BLK: variants seen among roughly 807,000 people sequenced by gnomAD.
BLK encodes BLK proto-oncogene, Src family tyrosine kinase.
Under a neutral mutation model 61.8 loss-of-function variants are expected in BLK, and 64 were observed. The ratio of observed to expected loss-of-function variants is 1.03; its 90% CI spans 0.85 to 1.27. BLK has a LOEUF of 1.27. Among genes scored for constraint, BLK ranks in the 50% most tolerant of loss-of-function variants. The pLI is 0.00. For synonymous variants in BLK, 351 were observed against 272.0 expected (o/e 1.29, Z -2.86); for missense variants, 853 against 660.5 (o/e 1.29, Z -3.19).
At chr8:11,500,734 A>G (rs1019148082) in intron 1 of BLK, among the ~76,000 whole-genome samples, 7 of 151,300 alleles carry the variant, frequency 4.6e-5, no homozygotes, top group African/African-American at 1.7e-4. Context: ...GCTGGTCTCA[A>G]CCTCCTGAGC....
intron 2 of BLK, among the ~76,000 whole-genome samples, chr8:11,544,890 C>A (rs1402224153): frequency 1.3e-5 from 2 of 152,172 alleles, no homozygotes; most frequent in Non-Finnish European, 2.9e-5. Context: ...TGTATAGCCA[C>A]CTCCCAACTT....
At chr8:11,540,331 G>C (rs550589999) in intron 1 of BLK, among the ~76,000 whole-genome samples, 2 of 151,896 alleles carry the variant, frequency 1.3e-5, no homozygotes, top group Non-Finnish European at 2.9e-5. Flanking sequence ...TCACATACGC[G>C]ATTCCTGTAT....
In BLK at chr8:11,514,297, TC is replaced by T. The variant is rs567057132; in HGVS notation, c.-2+19708del. Among the ~76,000 whole-genome samples the T allele has an allele frequency of 6.0e-4, 91 of 152,318 alleles. 2 individuals are homozygous for T. In the South Asian group the frequency reaches 0.019, roughly 31 times the overall value. ...TCCACAGGGTACTCCTGTCCACTGT[TC>T]CAGCAAATGTGAGAAAACCCACTTG... On this transcript the variant is annotated intron_variant, in intron 1 of 12. Transcript: ENST00000259089.
chr8:11,538,179 T>G (rs900882735), intron 1 of BLK, among the ~76,000 whole-genome samples: 1 of 152,160 alleles, frequency 6.6e-6, no homozygotes. Context: ...TAAGTGTGTA[T>G]GCTTCCTCTC....
At chr8:11,495,406 G>A (rs577231048) in intron 1 of BLK, among the ~76,000 whole-genome samples, 1 of 152,188 alleles carries the variant, frequency 6.6e-6, no homozygotes, top group Non-Finnish European at 1.5e-5. Flanking sequence ...TTTGGACTAA[G>A]AGTATGGAAA....
intron 1 of BLK, among the ~76,000 whole-genome samples, chr8:11,504,712 G>A (rs1056092108): frequency 2.0e-5 from 3 of 152,262 alleles, no homozygotes; most frequent in Non-Finnish European, 2.9e-5. Context: ...CGGTCTAAGC[G>A]ACTGAGGAGT....
chr8:11,544,473 C>T (rs1045949201), intron 2 of BLK, among the ~76,000 whole-genome samples: 2 of 152,152 alleles, frequency 1.3e-5, no homozygotes, highest in African/African-American at 4.8e-5. Flanking sequence ...GGCATCTTAC[C>T]TATCTGTGTC....
intron 7 of BLK, 36 bp from the exon 8 acceptor site, chr8:11,555,296 G>A: frequency 7.4e-6 from 12 of 1,613,652 alleles, no homozygotes; most frequent in Non-Finnish European, 1.0e-5. Context: ...GGCTGCTCTG[G>A]TAACCCCCAG....
At chr8:11,528,809 A>T (rs186714506) in intron 1 of BLK, among the ~76,000 whole-genome samples, 1 of 152,120 alleles carries the variant, frequency 6.6e-6, no homozygotes, top group Non-Finnish European at 1.5e-5. Context: ...ATGGAAGTGG[A>T]TGGAGGTGGA....
At chr8:11,507,469 G>GA (rs1798820609) in intron 1 of BLK, among the ~76,000 whole-genome samples, 2 of 152,226 alleles carry the variant, frequency 1.3e-5, no homozygotes, top group Non-Finnish European at 2.9e-5. Flanking sequence ...AACTGCAGGG[G>GA]AAGACACCAC....
chr8:11,502,102 A>G (rs1266595828), intron 1 of BLK, among the ~76,000 whole-genome samples: 3 of 152,194 alleles, frequency 2.0e-5, no homozygotes, highest in Non-Finnish European at 2.9e-5. Context: ...AGCACGATAG[A>G]GTACTTCCGC....
intron 11 of BLK, 55 bp from the exon 12 acceptor site, chr8:11,562,924 G>A: frequency 6.2e-7 from 1 of 1,611,394 alleles, no homozygotes; most frequent in Non-Finnish European, 8.5e-7. Flanking sequence ...GGTGAGGATG[G>A]AGGGTAGGGG....
chr8:11,520,660 CCTG>C (rs1799414602), intron 1 of BLK, among the ~76,000 whole-genome samples: 1 of 152,056 alleles, frequency 6.6e-6, no homozygotes. Flanking sequence ...GTGAGAGACG[CCTG>C]CTAACATTGA....
chr8:11,529,273 CTTA>C (rs1306123166), intron 1 of BLK, among the ~76,000 whole-genome samples: 1 of 152,122 alleles, frequency 6.6e-6, no homozygotes, highest in African/African-American at 2.4e-5. Flanking sequence ...AGACCGGAGT[CTTA>C]TTATTACTCA....
intron 9 of BLK, 25 bp downstream of exon 9, chr8:11,556,862 C>T (rs765777391): frequency 6.2e-7 from 1 of 1,611,836 alleles, no homozygotes; most frequent in Non-Finnish European, 8.5e-7. Flanking sequence ...AGAGCCGCAT[C>T]CTCAGAGCGA....
At position 11,564,024 on chromosome 8, in the gene BLK, G is replaced by A. The variant is rs373786594; in HGVS notation, c.1434G>A (p.Glu478=). The A allele has an allele frequency of 1.2e-6, 2 of 1,604,718 alleles. No homozygotes were observed. Among genetic ancestry groups the A allele is most frequent in the African/African-American group, 1.3e-5 (1 of 74,896 alleles). Residue 478 remains glutamate, a synonymous_variant, in exon 13 of 13, where the codon GAG becomes GAA. Transcript: ENST00000259089. ...VIAECWRSRP[E]ERPTFEFLQS... is the part of the protein sequence containing the mutation. ...CCGAGTGCTGGCGCAGCCGGCCCGA[G>A]GAGCGGCCCACCTTCGAGTTCCTGC...
In BLK at chr8:11,561,312, G is replaced by A. The variant is rs749903162; in HGVS notation, c.1040G>A (p.Gly347Glu). The change falls in exon 11 of 13, where the codon GGG (glycine) becomes GAG (glutamate). Residue 347 changes from glycine to glutamate, a missense_variant. Gly to Glu is a moderately conservative substitution (Grantham distance 98). Coordinates refer to ENST00000259089, the MANE Select transcript of BLK (RefSeq NM_001715.3). ...LIDMSAQIAE[G>E]MAYIERMNSI... ...TGCCTGTTCCCTCAGATTGCTGAAG[G>A]GATGGCATACATTGAGCGCATGAAT... 3.2e-5 allele frequency: 52 copies of A among 1,613,494 alleles called. No individual in the cohort carries two copies. Among genetic ancestry groups the A allele is most frequent in the Non-Finnish European group, 4.2e-5 (49 of 1,179,772 alleles).
chr8:11,516,914 C>G (rs974898527), intron 1 of BLK, among the ~76,000 whole-genome samples: 1 of 152,230 alleles, frequency 6.6e-6, no homozygotes, highest in Non-Finnish European at 1.5e-5. Context: ...CAAGTCCCTG[C>G]TTTCTGTCAT....
At chr8:11,534,035 A>G (rs141609539) in intron 1 of BLK, among the ~76,000 whole-genome samples, 37 of 152,348 alleles carry the variant, frequency 2.4e-4, no homozygotes, top group Non-Finnish European at 4.7e-4. Flanking sequence ...AGTGGAGCTC[A>G]TGACCTGCCT....
Sources: gnomAD v4.1 joint callset for allele counts (sites outside exome capture counted in the v4.1 genomes callset) on GRCh38, gnomAD v4.1.1 for gene constraint, MANE v1.5 for transcripts, NCBI Gene and HGNC (gene_info 2026-07-23, HGNC 2026-07-21) for gene names.